CPNE4: variants seen among roughly 807,000 people sequenced by gnomAD.
The protein encoded by CPNE4 is copine 4, also known as copine-4.
CPNE4 carries 25 observed loss-of-function variants against 67.9 expected under a neutral mutation model. The ratio of observed to expected loss-of-function variants is 0.37; its 90% CI spans 0.27 to 0.51. CPNE4 has a LOEUF of 0.51. Among genes scored for constraint, CPNE4 ranks in the 20% least tolerant of loss-of-function variants. The probability of loss-of-function intolerance (pLI) is 0.93; values close to 1 mark genes in which losing one functional copy is unlikely to be tolerated. For missense variants in CPNE4, 464 were observed against 690.8 expected, an observed-to-expected ratio of 0.67 and a Z score of 3.68; for synonymous variants, 242 against 244.9, an observed-to-expected ratio of 0.99 and a Z score of 0.11.
intron 1 of CPNE4, among the ~76,000 whole-genome samples, chr3:131,949,180 G>T (rs1160429835): frequency 6.6e-6 from 1 of 152,122 alleles, no homozygotes; most frequent in African/African-American, 2.4e-5. Context: ...TCTATGATTT[G>T]CAGGGCCTAA....
chr3:132,011,341 G>T (rs1345591186), intron 1 of CPNE4, among the ~76,000 whole-genome samples: 2 of 152,180 alleles, frequency 1.3e-5, no homozygotes, highest in Admixed American at 6.5e-5. Context: ...AAAACAAGTA[G>T]CTCCTGAGCT....
rs557115793 is a variant in CPNE4, at chr3:131,957,739, C to A, written c.-1-52295G>T. On this transcript the variant is annotated intron_variant, in intron 1 of 15. Coordinates refer to ENST00000429747, the MANE Select transcript of CPNE4 (RefSeq NM_130808.3). Reference sequence around the variant, plus strand: ...AGGGCAAAGATTTGTTGCACACAGCCTCTGTATTCAAGGAGCTTATTCTCA... The same window carrying A: ...AGGGCAAAGATTTGTTGCACACAGCATCTGTATTCAAGGAGCTTATTCTCA... Among the ~76,000 whole-genome samples the A allele has an allele frequency of 3.9e-5, 6 of 152,318 alleles. 1 individual carries two copies. The highest frequency in any genetic ancestry group is 7.2e-5 in the African/African-American group (3 of 41,568).
intron 2 of CPNE4, among the ~76,000 whole-genome samples, chr3:131,786,434 T>C (rs1015989938): frequency 4.6e-4 from 70 of 152,292 alleles, no homozygotes; most frequent in African/African-American, 1.5e-3. Context: ...AACACTGATA[T>C]TGACAACTGA....
At chr3:131,657,132 A>G (rs1289037556) in intron 7 of CPNE4, among the ~76,000 whole-genome samples, 1 of 152,208 alleles carries the variant, frequency 6.6e-6, no homozygotes, top group African/African-American at 2.4e-5. Context: ...TTTATTATTA[A>G]TAATTGAGGG....
chr3:131,568,542 T>A (rs1937174825), intron 10 of CPNE4, among the ~76,000 whole-genome samples: 1 of 152,024 alleles, frequency 6.6e-6, no homozygotes, highest in Non-Finnish European at 1.5e-5. Flanking sequence ...GTGGTTCTGG[T>A]ATGTGCTCCA....
chr3:131,760,898 G>A (rs1288216888), intron 2 of CPNE4, among the ~76,000 whole-genome samples: 3 of 152,122 alleles, frequency 2.0e-5, no homozygotes, highest in African/African-American at 7.2e-5. Flanking sequence ...TGAGATGGGG[G>A]ATATGAGCTC....
At chr3:131,700,409 T>A (rs931365352) in intron 3 of CPNE4, among the ~76,000 whole-genome samples, 1 of 152,146 alleles carries the variant, frequency 6.6e-6, no homozygotes, top group African/African-American at 2.4e-5. Flanking sequence ...TAAATATAAC[T>A]TCTAGAGTTC....
At chr3:131,941,516 T>C (rs1333192422) in intron 1 of CPNE4, among the ~76,000 whole-genome samples, 1 of 151,994 alleles carries the variant, frequency 6.6e-6, no homozygotes, top group Non-Finnish European at 1.5e-5. Flanking sequence ...GAAATACAGC[T>C]TATTATCTAC....
At chr3:131,870,055 G>A (rs1422776213) in intron 2 of CPNE4, among the ~76,000 whole-genome samples, 1 of 152,110 alleles carries the variant, frequency 6.6e-6, no homozygotes, top group African/African-American at 2.4e-5. Flanking sequence ...GATAGGGAAG[G>A]TTCCTCAAGG....
chr3:131,636,080 C>CAA (rs749734624), intron 7 of CPNE4, among the ~76,000 whole-genome samples: 1 of 52,862 alleles, frequency 1.9e-5, no homozygotes, highest in Non-Finnish European at 3.0e-5. Flanking sequence ...GACTCCGTCT[C>CAA]AAAAAAAAAA....
At chr3:132,027,772 A>G (rs2074144981) in intron 1 of CPNE4, among the ~76,000 whole-genome samples, 1 of 152,214 alleles carries the variant, frequency 6.6e-6, no homozygotes, top group African/African-American at 2.4e-5. Flanking sequence ...ACATCACCTC[A>G]GTCATCTTGC....
intron 1 of CPNE4, among the ~76,000 whole-genome samples, chr3:131,937,950 GATAA>G (rs1478452198): frequency 6.6e-6 from 1 of 152,012 alleles, no homozygotes; most frequent in African/African-American, 2.4e-5. Flanking sequence ...ATCCTTGTAA[GATAA>G]ATAAAGGACT....
chr3:131,625,161 A>G (rs967197791), intron 7 of CPNE4, among the ~76,000 whole-genome samples: 3 of 152,132 alleles, frequency 2.0e-5, no homozygotes, highest in Admixed American at 6.6e-5. Flanking sequence ...TTATCTAAAC[A>G]AAAGTTAACA....
chr3:131,725,268 G>T (rs2081975515), intron 2 of CPNE4, among the ~76,000 whole-genome samples: 1 of 152,294 alleles, frequency 6.6e-6, no homozygotes, highest in East Asian at 1.9e-4. Context: ...TCCAGCCCTA[G>T]CCCTTCCTAT....
chr3:131,925,487 A>G (rs2070869495), intron 1 of CPNE4: 1 of 152,170 alleles, frequency 6.6e-6, no homozygotes, highest in Non-Finnish European at 1.5e-5. Flanking sequence ...TCCATCTGTG[A>G]ATTTCCATCA....
chr3:131,563,871 T>A (rs1199217151), intron 11 of CPNE4, among the ~76,000 whole-genome samples: 3 of 152,012 alleles, frequency 2.0e-5, no homozygotes, highest in Non-Finnish European at 1.5e-5. Context: ...CATCTGGGGA[T>A]CTTGTTAAAT....
intron 2 of CPNE4, among the ~76,000 whole-genome samples, chr3:131,794,675 A>C (rs2083870662): frequency 6.6e-6 from 1 of 152,214 alleles, no homozygotes. Flanking sequence ...TCAATATCTT[A>C]ATAGGACTTG....
At chr3:131,842,896 G>C (rs551436448) in intron 2 of CPNE4, among the ~76,000 whole-genome samples, 2 of 152,106 alleles carry the variant, frequency 1.3e-5, no homozygotes, top group South Asian at 4.2e-4. Context: ...AAATCAAAAC[G>C]ATATACAGCA....
chr3:131,550,424 G>C (rs1391237774), intron 13 of CPNE4, among the ~76,000 whole-genome samples: 2 of 152,114 alleles, frequency 1.3e-5, no homozygotes, highest in African/African-American at 4.8e-5. Context: ...GATGTTCAAT[G>C]ATCTGCCCTG....
Sources: gnomAD v4.1 joint callset for allele counts (sites outside exome capture counted in the v4.1 genomes callset) on GRCh38, gnomAD v4.1.1 for gene constraint, MANE v1.5 for transcripts, NCBI Gene and HGNC (gene_info 2026-07-23, HGNC 2026-07-21) for gene names.